RNF38: variants seen among roughly 807,000 people sequenced by gnomAD.
The protein encoded by RNF38 is ring finger protein 38.
In RNF38, 15 loss-of-function variants were observed where a neutral mutation model predicts 67.2. That is an observed-to-expected ratio of 0.22 (90% CI 0.15 to 0.34). The LOEUF (loss-of-function observed/expected upper bound fraction) is 0.34, where lower values mean the gene tolerates loss of function less well. RNF38 is among the 10% of genes least tolerant of loss of function. The pLI is 1.00. For synonymous variants in RNF38, 220 were observed against 218.8 expected, an observed-to-expected ratio of 1.01 and a Z score of -0.05; for missense variants, 524 against 639.9, an observed-to-expected ratio of 0.82 and a Z score of 1.95.
At chr9:36,435,374 C>T (rs549089738) in intron 1 of RNF38, among the ~76,000 whole-genome samples, 21 of 151,854 alleles carry the variant, frequency 1.4e-4, no homozygotes, top group Non-Finnish European at 3.1e-4. Context: ...AAGGCAAACA[C>T]GAGAGTAGTA....
intron 10 of RNF38, 106 bp from the exon 11 acceptor site, chr9:36,342,530 A>G (rs1322766634): frequency 1.4e-6 from 1 of 732,120 alleles, no homozygotes; most frequent in African/African-American, 1.8e-5. Flanking sequence ...AACGTCACTT[A>G]AATTTTTAAA....
chr9:36,425,549 C>T (rs972893398), intron 1 of RNF38, among the ~76,000 whole-genome samples: 2 of 152,070 alleles, frequency 1.3e-5, no homozygotes, highest in Non-Finnish European at 2.9e-5. Flanking sequence ...CAAAAATTAG[C>T]CACGCGTGGT....
intron 1 of RNF38, among the ~76,000 whole-genome samples, chr9:36,478,245 A>C (rs1193087253): frequency 2.0e-5 from 3 of 151,554 alleles, no homozygotes; most frequent in Admixed American, 2.0e-4. Context: ...TCTACTAAAA[A>C]TACAAAAAAT....
rs574863660 is a variant in RNF38, at chr9:36,436,622, G to A, written n.242-11939C>T. Among the ~76,000 whole-genome samples the A allele has an allele frequency of 4.6e-5, 7 of 152,196 alleles. No individual in the cohort carries two copies. The East Asian group carries it at 7.7e-4, about 17-fold the overall frequency. On this transcript the variant is annotated intron_variant and non_coding_transcript_variant, in intron 1 of 3. Transcript: ENST00000488058. Reference sequence around the variant, plus strand: ...GCGGATCATGAGGTCAGGAGATTGAGACCATCCTGGCTAACAAGGTGAAAC... The same window carrying A: ...GCGGATCATGAGGTCAGGAGATTGAAACCATCCTGGCTAACAAGGTGAAAC...
intron 1 of RNF38, among the ~76,000 whole-genome samples, chr9:36,480,615 C>A (rs1840233215): frequency 6.8e-6 from 1 of 148,000 alleles, no homozygotes; most frequent in Non-Finnish European, 1.5e-5. Context: ...GCAGTGGCAC[C>A]ATCTCAACTC....
At chr9:36,438,115 A>G (rs909331194) in intron 1 of RNF38, among the ~76,000 whole-genome samples, 1 of 151,782 alleles carries the variant, frequency 6.6e-6, no homozygotes, top group Non-Finnish European at 1.5e-5. Flanking sequence ...CTAATTTTTT[A>G]TTTTTTGCAG....
intron 2 of RNF38, among the ~76,000 whole-genome samples, chr9:36,410,214 T>G (rs2134194310): frequency 6.6e-6 from 1 of 152,364 alleles, no homozygotes; most frequent in Non-Finnish European, 1.5e-5. Context: ...GTAAAATTAT[T>G]AAAACTTTTA....
intron 1 of RNF38, among the ~76,000 whole-genome samples, chr9:36,399,004 A>G (rs898683566): frequency 6.6e-6 from 1 of 152,182 alleles, no homozygotes; most frequent in African/African-American, 2.4e-5. Context: ...CATGAATTAA[A>G]AGCCTCATCC....
chr9:36,374,044 AG>A (rs1260750767), intron 3 of RNF38, among the ~76,000 whole-genome samples: 1 of 152,208 alleles, frequency 6.6e-6, no homozygotes, highest in Non-Finnish European at 1.5e-5. Flanking sequence ...AGACTACAGC[AG>A]GTACTCAGGC....
chr9:36,382,455 T>C (rs1159927842), intron 2 of RNF38, among the ~76,000 whole-genome samples: 4 of 152,200 alleles, frequency 2.6e-5, no homozygotes, highest in African/African-American at 7.2e-5. Context: ...GAGGCAGGCA[T>C]AAGAATGCAT....
intron 1 of RNF38, among the ~76,000 whole-genome samples, chr9:36,484,301 T>C (rs913291719): frequency 2.0e-5 from 3 of 152,042 alleles, no homozygotes; most frequent in Admixed American, 2.0e-4. Flanking sequence ...ATAAAAGTCA[T>C]CCACTGCAAA....
intron 1 of RNF38, among the ~76,000 whole-genome samples, chr9:36,469,235 G>T (rs546832191): frequency 2.6e-4 from 39 of 152,242 alleles, no homozygotes; most frequent in Admixed American, 4.6e-4. Flanking sequence ...TTTCTATATA[G>T]AGAGAGAGAC....
At position 36,423,948 on chromosome 9, in the gene RNF38, CAAAAAAAAAAAA is replaced by C. The variant is rs1176900248; in HGVS notation, n.312+653_312+664del. The stretch of plus-strand genomic sequence containing the variant: ...TGGGCGACAGAGCGAGACTCCGTCT[CAAAAAAAAAAAA>C]AAAAAAAAAAAAAGAAAAGCCCCCC... On this transcript the variant is annotated intron_variant and non_coding_transcript_variant, in intron 2 of 3. Transcript: ENST00000488058. Among the ~76,000 whole-genome samples the C allele has an allele frequency of 5.4e-4, 4 of 7,408 alleles. 2 individuals are homozygous for C. Among genetic ancestry groups the C allele is most frequent in the African/African-American group, 8.8e-4 (2 of 2,280 alleles). The allele number at this position is 7,408 out of a possible 152,430, so 4.9% of individuals were successfully genotyped here. A position where few individuals can be genotyped will look rare whatever the true frequency, so the allele number is the denominator to read the frequency against.
Position 36,400,162 on chromosome 9 carries a change from T to C in RNF38, c.-54A>G, listed in dbSNP as rs921717726. 7.5e-6 allele frequency: 12 copies of C among 1,601,772 alleles called. No individual in the cohort carries two copies. In the Admixed American group the frequency reaches 2.1e-4, roughly 28 times the overall value. On this transcript the variant is annotated 5_prime_UTR_variant, in exon 1 of 12. Coordinates refer to ENST00000259605, the MANE Select transcript of RNF38 (RefSeq NM_022781.5). ...TTTGGACCTCAATAACCTGAAACACTCCCGTTTCAAAAACCAACCTCTCTC... is the reference window on the plus strand; with the variant it reads ...TTTGGACCTCAATAACCTGAAACACCCCCGTTTCAAAAACCAACCTCTCTC...
At chr9:36,400,311 G>A, upstream of RNF38, 2 of 1,271,706 alleles carry the variant, frequency 1.6e-6, no homozygotes, top group Non-Finnish European at 2.0e-6. Context: ...GTTCTCCTGG[G>A]TGACATCATT....
chr9:36,358,368 A>G (rs1421319341), intron 4 of RNF38, among the ~76,000 whole-genome samples: 1 of 152,242 alleles, frequency 6.6e-6, no homozygotes, highest in Non-Finnish European at 1.5e-5. Flanking sequence ...TTTCCCGCCT[A>G]GCCAATCTTA....
At chr9:36,354,718 T>C (rs1833970537) in intron 6 of RNF38, among the ~76,000 whole-genome samples, 1 of 152,250 alleles carries the variant, frequency 6.6e-6, no homozygotes, top group Admixed American at 6.5e-5. Context: ...GGAATAGTGC[T>C]ATTACTACAT....
chr9:36,366,559 C>T (rs895775190), intron 4 of RNF38, among the ~76,000 whole-genome samples: 3 of 152,154 alleles, frequency 2.0e-5, no homozygotes, highest in Non-Finnish European at 2.9e-5. Context: ...TAAGATGCTT[C>T]GGGATTTTCT....
chr9:36,436,756 G>A (rs1839078081), intron 1 of RNF38, among the ~76,000 whole-genome samples: 1 of 149,974 alleles, frequency 6.7e-6, no homozygotes, highest in Admixed American at 6.7e-5. Flanking sequence ...CCGGGAGGTG[G>A]AGCTTGCGTG....
Sources: allele counts gnomAD v4.1 joint callset (sites outside exome capture counted in the v4.1 genomes callset), GRCh38; gene constraint gnomAD v4.1.1; transcripts MANE v1.5; gene names NCBI Gene and HGNC (gene_info 2026-07-23, HGNC 2026-07-21).